The following INPP4B variants were observed in gnomAD, a reference collection of about 807,000 sequenced individuals.
INPP4B encodes inositol polyphosphate 4-phosphatase type II.
Under a neutral mutation model 122.5 loss-of-function variants are expected in INPP4B, and 55 were observed. The ratio of observed to expected loss-of-function variants is 0.45; its 90% CI spans 0.36 to 0.56. The LOEUF (loss-of-function observed/expected upper bound fraction) is 0.56. Ranked by LOEUF, INPP4B falls within the 20% of genes least tolerant of loss-of-function variation. INPP4B has a pLI of 0.00. For missense variants in INPP4B, 1,000 were observed against 1,097.7 expected (o/e 0.91, Z 1.26); for synonymous variants, 403 against 388.7 (o/e 1.04, Z -0.43).
At chr4:142,757,873 C>T (rs1257058748) in intron 1 of INPP4B, among the ~76,000 whole-genome samples, 3 of 152,172 alleles carry the variant, frequency 2.0e-5, no homozygotes, top group Non-Finnish European at 4.4e-5. Flanking sequence ...TTTTCACCAG[C>T]AATGAATGAA....
chr4:142,039,965 G>A (rs968716866), intron 25 of INPP4B, among the ~76,000 whole-genome samples: 1 of 151,908 alleles, frequency 6.6e-6, no homozygotes, highest in Non-Finnish European at 1.5e-5. Context: ...AGTACTGGAA[G>A]CAATAGCTGC....
intron 7 of INPP4B, among the ~76,000 whole-genome samples, chr4:142,397,420 T>C (rs182428503): frequency 6.6e-6 from 1 of 152,356 alleles, no homozygotes; most frequent in Non-Finnish European, 1.5e-5. Flanking sequence ...CACTTCATTA[T>C]AAAATTTATT....
intron 7 of INPP4B, chr4:142,384,102 G>A (rs1168399569): frequency 1.4e-6 from 1 of 702,064 alleles, no homozygotes; most frequent in Admixed American, 2.0e-5. Context: ...CTCAAATTCT[G>A]GATGAGTTAG....
At chr4:142,567,444 C>T (rs1167045276) in intron 2 of INPP4B, among the ~76,000 whole-genome samples, 2 of 152,076 alleles carry the variant, frequency 1.3e-5, no homozygotes, top group Non-Finnish European at 2.9e-5. Flanking sequence ...TGTTCTTTAG[C>T]TCATTATCTC....
At chr4:142,343,377 G>T (rs1779281904) in intron 7 of INPP4B, among the ~76,000 whole-genome samples, 1 of 151,814 alleles carries the variant, frequency 6.6e-6, no homozygotes, top group South Asian at 2.1e-4. Flanking sequence ...CAAAGATATT[G>T]ATTCTCTAGA....
intron 2 of INPP4B, among the ~76,000 whole-genome samples, chr4:142,693,197 T>A (rs1156805731): frequency 1.3e-5 from 2 of 151,990 alleles, no homozygotes; most frequent in East Asian, 1.9e-4. Context: ...AATTACTTTA[T>A]GAAAAAAATT....
chr4:142,705,203 TG>T (rs1464082414), intron 2 of INPP4B, among the ~76,000 whole-genome samples: 2 of 152,142 alleles, frequency 1.3e-5, no homozygotes, highest in African/African-American at 4.8e-5. Context: ...CTGGATTAGA[TG>T]GGAACCTTGA....
intron 1 of INPP4B, among the ~76,000 whole-genome samples, chr4:142,840,901 A>C (rs528758891): frequency 6.6e-6 from 1 of 152,188 alleles, no homozygotes; most frequent in East Asian, 1.9e-4. Flanking sequence ...ATAAAATCAC[A>C]CCCATCTCAA....
At chr4:142,260,906 A>G (rs1323142578) in intron 10 of INPP4B, among the ~76,000 whole-genome samples, 1 of 152,196 alleles carries the variant, frequency 6.6e-6, no homozygotes, top group Non-Finnish European at 1.5e-5. Context: ...CTTTCACCTG[A>G]GCTAATTTCA....
At chr4:142,791,380 A>G (rs1030584985) in intron 1 of INPP4B, among the ~76,000 whole-genome samples, 1 of 152,128 alleles carries the variant, frequency 6.6e-6, no homozygotes, top group African/African-American at 2.4e-5. Context: ...AGAGATTATA[A>G]CAGCAGCAAT....
intron 3 of INPP4B, among the ~76,000 whole-genome samples, chr4:142,452,808 C>T (rs1194815264): frequency 1.3e-5 from 2 of 152,106 alleles, no homozygotes; most frequent in African/African-American, 2.4e-5. Flanking sequence ...TCTATAAATA[C>T]TTCACCTGAC....
intron 14 of INPP4B, among the ~76,000 whole-genome samples, chr4:142,200,097 C>A (rs1193343651): frequency 1.3e-5 from 2 of 151,806 alleles, no homozygotes; most frequent in African/African-American, 4.8e-5. Context: ...AACTCTTCTC[C>A]TCCATTCATT....
chr4:142,254,151 T>A (rs1158537847), intron 11 of INPP4B, among the ~76,000 whole-genome samples: 1 of 151,998 alleles, frequency 6.6e-6, no homozygotes, highest in Non-Finnish European at 1.5e-5. Context: ...GTCCTGTCTG[T>A]TAGAAGGAAA....
intron 1 of INPP4B, among the ~76,000 whole-genome samples, chr4:142,733,342 C>G (rs1193284460): frequency 6.6e-6 from 1 of 151,952 alleles, no homozygotes; most frequent in Non-Finnish European, 1.5e-5. Flanking sequence ...CCAAAAGATG[C>G]CAAGTAGAAT....
rs1411556676 is a variant in INPP4B, at chr4:142,270,751, A to T, written c.527T>A (p.Val176Asp). 6.2e-7 allele frequency: 1 copy of T among 1,613,844 alleles called. No homozygotes were observed. Among genetic ancestry groups the T allele is most frequent in the Admixed American group, 1.7e-5 (1 of 60,012 alleles). ...SLRTSDGGKV[V>D]GTIEVSVVKM... ...CACGACACTGACTTCTATGGTGCCA[A>T]CCACTTTGCCACCATCTGAAGTTCT... The change falls in exon 10 of 26, where the codon GTT becomes GAT. Residue 176 changes from valine (V) to aspartate (D), a missense_variant. Physicochemically the swap from Val to Asp is radical, Grantham distance 152. Coordinates refer to ENST00000262992, the MANE Select transcript of INPP4B (RefSeq NM_001101669.3).
At chr4:142,483,686 T>G (rs1463984199) in intron 2 of INPP4B, among the ~76,000 whole-genome samples, 1 of 152,230 alleles carries the variant, frequency 6.6e-6, no homozygotes, top group South Asian at 2.1e-4. Context: ...GCAACCAGAA[T>G]AGATTTATTG....
chr4:142,118,372 C>T (rs1008411445), intron 21 of INPP4B, among the ~76,000 whole-genome samples: 13 of 151,924 alleles, frequency 8.6e-5, no homozygotes, highest in Non-Finnish European at 1.6e-4. Flanking sequence ...CTGGAGGCAT[C>T]ATGCTATCTG....
intron 1 of INPP4B, among the ~76,000 whole-genome samples, chr4:142,747,202 A>G (rs1293692163): frequency 1.3e-5 from 2 of 152,158 alleles, no homozygotes; most frequent in East Asian, 3.9e-4. Context: ...CCCATCAAAA[A>G]GTGGGTGAAG....
intron 16 of INPP4B, among the ~76,000 whole-genome samples, chr4:142,165,047 C>A (rs894118759): frequency 4.6e-5 from 7 of 151,706 alleles, no homozygotes; most frequent in Non-Finnish European, 8.9e-5. Context: ...TCCATTTTCC[C>A]ATAGTTCAAC....
Sources: allele counts gnomAD v4.1 joint callset (sites outside exome capture counted in the v4.1 genomes callset), GRCh38; gene constraint gnomAD v4.1.1; transcripts MANE v1.5; gene names NCBI Gene and HGNC (gene_info 2026-07-23, HGNC 2026-07-21).